The following MYO1B variants were observed in gnomAD, a reference collection of about 807,000 sequenced individuals.
The protein encoded by MYO1B is unconventional myosin-Ib.
Under a neutral mutation model 159.7 loss-of-function variants are expected in MYO1B, and 72 were observed. The observed-to-expected ratio is 0.45, with a 90% CI of 0.37 to 0.55. MYO1B has a LOEUF of 0.55. Ranked by LOEUF, MYO1B falls within the 20% of genes least tolerant of loss-of-function variation. The pLI is 0.00. For synonymous variants in MYO1B, 468 were observed against 473.8 expected, an observed-to-expected ratio of 0.99 and a Z score of 0.16; for missense variants, 1,062 against 1,364.8, an observed-to-expected ratio of 0.78 and a Z score of 3.50.
At chr2:191,256,126 T>A (rs1004522952) in intron 1 of MYO1B, among the ~76,000 whole-genome samples, 4 of 152,200 alleles carry the variant, frequency 2.6e-5, no homozygotes, top group African/African-American at 9.7e-5. Flanking sequence ...GAAGCATTGC[T>A]CTGGGGCAGG....
At position 191,362,255 on chromosome 2, in the gene MYO1B, T is replaced by G; in HGVS notation, c.662-13T>G. Reference sequence around the variant, plus strand: ...TTGAAGCAACTTAACAACTTGTGTCTTTGATTCAATAGATAAACTTAAGCT... The same window carrying G: ...TTGAAGCAACTTAACAACTTGTGTCGTTGATTCAATAGATAAACTTAAGCT... On this transcript the variant is annotated splice_polypyrimidine_tract_variant and intron_variant, in intron 8 of 30. Transcript: ENST00000392318. 2.5e-6 allele frequency: 4 copies of G among 1,604,974 alleles called. No homozygotes were observed. In the South Asian group the frequency reaches 4.4e-5, roughly 18 times the overall value.
intron 2 of MYO1B, among the ~76,000 whole-genome samples, chr2:191,286,234 A>G (rs908401278): frequency 2.0e-5 from 3 of 152,102 alleles, no homozygotes; most frequent in African/African-American, 7.2e-5. Flanking sequence ...ATAGACACCT[A>G]AGTCTGTTAT....
At chr2:191,343,525 C>T (rs1692361523) in intron 5 of MYO1B, among the ~76,000 whole-genome samples, 1 of 152,186 alleles carries the variant, frequency 6.6e-6, no homozygotes. Flanking sequence ...ATCTTTCCTC[C>T]ATTGCAATAT....
At chr2:191,421,226 C>T (rs537586248) in intron 30 of MYO1B, among the ~76,000 whole-genome samples, 224 of 151,378 alleles carry the variant, frequency 1.5e-3, no homozygotes, top group African/African-American at 5.3e-3. Flanking sequence ...TGCACCACCA[C>T]GCCCTGCTAA....
intron 4 of MYO1B, among the ~76,000 whole-genome samples, chr2:191,338,823 G>C (rs576653449): frequency 1.3e-5 from 2 of 152,298 alleles, no homozygotes; most frequent in South Asian, 4.1e-4. Context: ...TTTTTGGTCA[G>C]TTTACCTAAA....
Position 191,397,539 on chromosome 2 carries a change from CA to C in MYO1B, c.2295+1043del, listed in dbSNP as rs761545917. Among the ~76,000 whole-genome samples, 12 of 151,942 alleles carry C rather than the reference CA, an allele frequency of 7.9e-5. No individual in the cohort carries two copies. The East Asian group carries it at 2.3e-3, about 30-fold the overall frequency. Reference sequence around the variant, plus strand: ...GTCACAGATCAACAGGATCCCAAGGCAGAAGAATTTTTCTTAGTACAGAACA... The same window carrying C: ...GTCACAGATCAACAGGATCCCAAGGCGAAGAATTTTTCTTAGTACAGAACA... On this transcript the variant is annotated intron_variant, in intron 21 of 30. Coordinates refer to ENST00000392318, the MANE Select transcript of MYO1B (RefSeq NM_001130158.3).
intron 1 of MYO1B, chr2:191,246,439 C>T (rs1156541869): frequency 6.6e-6 from 1 of 152,210 alleles, no homozygotes; most frequent in Non-Finnish European, 1.5e-5. Context: ...GTGCTTTGTT[C>T]AGGCTTCGGC....
At chr2:191,315,177 AT>A (rs1383016919) in intron 3 of MYO1B, among the ~76,000 whole-genome samples, 3 of 151,602 alleles carry the variant, frequency 2.0e-5, no homozygotes, top group African/African-American at 7.3e-5. Context: ...CCATCCATCC[AT>A]CCATCCATCC....
chr2:191,260,254 C>CCTTTTTTTTTTTTTTTTTTTTTT (rs1686717281), intron 1 of MYO1B, among the ~76,000 whole-genome samples: 1 of 60,962 alleles, frequency 1.6e-5, no homozygotes, highest in Non-Finnish European at 4.0e-5. Flanking sequence ...CCCAGATAGG[C>CCTTTTTTTTTTTTTTTTTTTTTT]TTTTTTTTTT....
At chr2:191,271,491 T>C (rs1458974354) in intron 1 of MYO1B, among the ~76,000 whole-genome samples, 2 of 149,094 alleles carry the variant, frequency 1.3e-5, no homozygotes, top group East Asian at 2.0e-4. Context: ...CTGGGCAACA[T>C]AGCAAGATCT....
chr2:191,278,487 A>G (rs1687874203), intron 2 of MYO1B, among the ~76,000 whole-genome samples: 1 of 150,406 alleles, frequency 6.6e-6, no homozygotes, highest in African/African-American at 2.4e-5. Flanking sequence ...GATAGTAGTC[A>G]TCCTCTAGGA....
chr2:191,322,237 C>T (rs547493836), intron 3 of MYO1B, among the ~76,000 whole-genome samples: 11 of 152,274 alleles, frequency 7.2e-5, no homozygotes, highest in Admixed American at 2.0e-4. Flanking sequence ...AAGTCCTCAG[C>T]AGCACAAGGG....
In MYO1B at chr2:191,424,526, A is replaced by G. The variant is rs1029540972; in HGVS notation, c.*566A>G. 4.6e-5 allele frequency: 7 copies of G among 152,220 alleles called. No homozygotes were observed. The highest frequency in any genetic ancestry group is 1.3e-4 in the Admixed American group (2 of 15,280). 9.4% of individuals were successfully genotyped at this position (152,220 alleles called of 1,614,324 possible). ...GAACCCTGTAGTATGATATTTAACAATATAGGCTTCAAGAAGGGCTGGTCC... is the reference window on the plus strand; with the variant it reads ...GAACCCTGTAGTATGATATTTAACAGTATAGGCTTCAAGAAGGGCTGGTCC... On this transcript the variant is annotated 3_prime_UTR_variant, in exon 31 of 31. Coordinates refer to ENST00000392318, the MANE Select transcript of MYO1B (RefSeq NM_001130158.3).
intron 5 of MYO1B, among the ~76,000 whole-genome samples, chr2:191,342,819 C>A (rs902879777): frequency 1.3e-5 from 2 of 152,014 alleles, no homozygotes; most frequent in African/African-American, 4.8e-5. Flanking sequence ...TGCACTCCAG[C>A]CTGGGCAACA....
At chr2:191,326,804 G>GTGTT (rs1691116187) in intron 3 of MYO1B, among the ~76,000 whole-genome samples, 1 of 147,262 alleles carries the variant, frequency 6.8e-6, no homozygotes, top group Non-Finnish European at 1.5e-5. Flanking sequence ...GTGTGTGTGT[G>GTGTT]TGTGTGTGTG....
chr2:191,346,116 TATC>T (rs1305639913), intron 5 of MYO1B, 117 bp from the exon 6 acceptor site: 14 of 795,574 alleles, frequency 1.8e-5, no homozygotes, highest in African/African-American at 5.4e-5. Context: ...TGGACAGAAA[TATC>T]ATTGCTACAA....
chr2:191,251,583 G>GC (rs1393921076), intron 1 of MYO1B, among the ~76,000 whole-genome samples: 1 of 152,148 alleles, frequency 6.6e-6, no homozygotes, highest in Non-Finnish European at 1.5e-5. Context: ...GACTCAAGAT[G>GC]CTTTAAGATT....
chr2:191,329,858 G>A, intron 3 of MYO1B, 77 bp from the exon 4 acceptor site: 1 of 1,222,138 alleles, frequency 8.2e-7, no homozygotes, highest in Non-Finnish European at 1.2e-6. Context: ...GGCCCTTTAA[G>A]GAGCTTGTAG....
chr2:191,415,019 C>T (rs116821402), intron 29 of MYO1B, among the ~76,000 whole-genome samples: 2,599 of 152,134 alleles, frequency 0.017, 36 homozygotes, highest in African/African-American at 0.043. Flanking sequence ...ATAAAATAAC[C>T]GCCAGTTAAT....
Sources: allele counts gnomAD v4.1 joint callset (sites outside exome capture counted in the v4.1 genomes callset), GRCh38; gene constraint gnomAD v4.1.1; transcripts MANE v1.5; gene names NCBI Gene and HGNC (gene_info 2026-07-23, HGNC 2026-07-21).